Variants in TANC2 observed in about 807,000 individuals in gnomAD.
The protein encoded by TANC2 is tetratricopeptide repeat, ankyrin repeat and coiled-coil containing 2.
In TANC2, 26 loss-of-function variants were observed where a neutral mutation model predicts 210.5. That is an observed-to-expected ratio of 0.12 (90% confidence interval 0.09 to 0.17). The LOEUF is 0.17. TANC2 is among the 10% of genes least tolerant of loss of function. The pLI, the probability that TANC2 is intolerant of heterozygous loss-of-function variation, is 1.00. For synonymous variants in TANC2, 931 were observed against 967.1 expected (o/e 0.96, Z 0.69); for missense variants, 2,129 against 2,608.9 (o/e 0.82, Z 4.01).
chr17:63,348,980 T>A (rs999115855), intron 12 of TANC2, among the ~76,000 whole-genome samples: 1 of 152,184 alleles, frequency 6.6e-6, no homozygotes, highest in Non-Finnish European at 1.5e-5. Context: ...GGAAATTATT[T>A]GCATTTATCG....
chr17:63,400,926 T>G (rs1387417798), intron 19 of TANC2, among the ~76,000 whole-genome samples: 1 of 152,122 alleles, frequency 6.6e-6, no homozygotes, highest in Non-Finnish European at 1.5e-5. Flanking sequence ...GTGCTAGGGT[T>G]ACAGGTGTGA....
intron 2 of TANC2, among the ~76,000 whole-genome samples, chr17:63,050,674 A>T (rs1407056596): frequency 6.6e-6 from 1 of 152,228 alleles, no homozygotes; most frequent in African/African-American, 2.4e-5. Context: ...AGTGAAGAGA[A>T]GACTTCAAGA....
intron 5 of TANC2, among the ~76,000 whole-genome samples, chr17:63,178,562 G>A (rs73323728): frequency 0.021 from 3,197 of 152,268 alleles, 101 homozygotes; most frequent in African/African-American, 0.071. Context: ...TCAGGTAATC[G>A]TTCGAGAACT....
At chr17:63,093,521 A>G (rs1369080644) in intron 3 of TANC2, among the ~76,000 whole-genome samples, 1 of 152,136 alleles carries the variant, frequency 6.6e-6, no homozygotes, top group Admixed American at 6.6e-5. Flanking sequence ...TGTACCACAT[A>G]GTAGGTCTTG....
At chr17:63,365,333 A>G (rs201863961) in intron 14 of TANC2, among the ~76,000 whole-genome samples, 1 of 152,198 alleles carries the variant, frequency 6.6e-6, no homozygotes, top group East Asian at 1.9e-4. Flanking sequence ...CCACATATCC[A>G]GTTGGTTCTA....
At chr17:63,152,453 A>G (rs1359468178) in intron 5 of TANC2, 1 of 151,980 alleles carries the variant, frequency 6.6e-6, no homozygotes, top group Non-Finnish European at 1.5e-5. Flanking sequence ...GACCTTGGGG[A>G]TTTTGCTTTC....
intron 11 of TANC2, among the ~76,000 whole-genome samples, chr17:63,339,685 A>AT (rs2046161486): frequency 1.3e-5 from 2 of 152,070 alleles, no homozygotes; most frequent in Non-Finnish European, 2.9e-5. Context: ...GACTAACATG[A>AT]TTTTTCTTGG....
intron 2 of TANC2, among the ~76,000 whole-genome samples, chr17:63,030,940 A>G (rs1243938496): frequency 6.6e-6 from 1 of 152,106 alleles, no homozygotes; most frequent in Non-Finnish European, 1.5e-5. Flanking sequence ...TTTGTTAATA[A>G]TCCAAATATT....
At chr17:63,324,002 AATTTAGTT>A (rs1219188064) in intron 11 of TANC2, among the ~76,000 whole-genome samples, 1 of 152,214 alleles carries the variant, frequency 6.6e-6, no homozygotes, top group African/African-American at 2.4e-5. Context: ...GACAGGAAGG[AATTTAGTT>A]TAGTGTTATT....
At chr17:63,005,784 G>A (rs2033595304) in intron 1 of TANC2, among the ~76,000 whole-genome samples, 1 of 151,740 alleles carries the variant, frequency 6.6e-6, no homozygotes, top group Admixed American at 6.6e-5. Flanking sequence ...AAAATGTGTG[G>A]GGAAGTATTT....
chr17:63,294,023 C>G (rs2044461540), intron 9 of TANC2, among the ~76,000 whole-genome samples: 1 of 152,272 alleles, frequency 6.6e-6, no homozygotes, highest in Admixed American at 6.5e-5. Context: ...GCCACTGCAC[C>G]CAGCCCCTAC....
chr17:63,074,847 T>A (rs2036517442), intron 3 of TANC2, among the ~76,000 whole-genome samples: 1 of 152,082 alleles, frequency 6.6e-6, no homozygotes, highest in Non-Finnish European at 1.5e-5. Context: ...ATTTATTGAG[T>A]TTGGTTTTCA....
intron 2 of TANC2, among the ~76,000 whole-genome samples, chr17:63,052,134 T>A (rs2144398636): frequency 6.6e-6 from 1 of 152,298 alleles, no homozygotes. Context: ...TTGTTGTTGA[T>A]CATGAATATG....
chr17:63,242,544 G>T (rs1044800236), intron 8 of TANC2, among the ~76,000 whole-genome samples: 29 of 152,096 alleles, frequency 1.9e-4, no homozygotes, highest in Admixed American at 1.5e-3. Flanking sequence ...ATTGCAGATA[G>T]CTCCAGGGGT....
intron 3 of TANC2, among the ~76,000 whole-genome samples, chr17:63,092,791 A>T (rs999086067): frequency 6.6e-6 from 1 of 151,862 alleles, no homozygotes; most frequent in Admixed American, 6.6e-5. Flanking sequence ...TCATCCAAAC[A>T]CCTCCCAACA....
intron 8 of TANC2, among the ~76,000 whole-genome samples, chr17:63,239,188 A>G (rs1157942793): frequency 6.6e-6 from 1 of 151,936 alleles, no homozygotes; most frequent in East Asian, 1.9e-4. Context: ...CTGAGGGTTA[A>G]GTGGTTGAAA....
At chr17:63,023,859 TTGCATTTGAAAC>T (rs1231320256) in intron 2 of TANC2, among the ~76,000 whole-genome samples, 1 of 152,162 alleles carries the variant, frequency 6.6e-6, no homozygotes, top group Non-Finnish European at 1.5e-5. Flanking sequence ...AACTTTGAAA[TTGCATTTGAAAC>T]AAATCTGAAC....
intron 9 of TANC2, among the ~76,000 whole-genome samples, chr17:63,296,990 GA>G (rs1402981166): frequency 1.3e-5 from 2 of 151,364 alleles, no homozygotes; most frequent in South Asian, 2.1e-4. Context: ...GAAAGGGTCA[GA>G]AAAAAAAATC....
chr17:63,040,283 TA>T (rs2035134772), intron 2 of TANC2, among the ~76,000 whole-genome samples: 1 of 152,198 alleles, frequency 6.6e-6, no homozygotes, highest in African/African-American at 2.4e-5. Context: ...GTAGGACAAG[TA>T]ACATTTCTCT....
Sources: gnomAD v4.1 joint callset for allele counts (sites outside exome capture counted in the v4.1 genomes callset) on GRCh38, gnomAD v4.1.1 for gene constraint, MANE v1.5 for transcripts, NCBI Gene and HGNC (gene_info 2026-07-23, HGNC 2026-07-21) for gene names.